Variants in CFAP61 observed in about 807,000 individuals in gnomAD.
The protein encoded by CFAP61 is cilia- and flagella-associated protein 61.
A neutral mutation model predicts 135.6 loss-of-function variants in CFAP61; 107 were observed. That is an observed-to-expected ratio of 0.79 (90% CI 0.67 to 0.93). The LOEUF (loss-of-function observed/expected upper bound fraction) is 0.93. CFAP61 is among the 40% of genes least tolerant of loss of function. The pLI, the probability that CFAP61 is intolerant of heterozygous loss-of-function variation, is 0.00. For synonymous variants in CFAP61, 575 were observed against 578.5 expected, an observed-to-expected ratio of 0.99 and a Z score of 0.09; for missense variants, 1,507 against 1,556.2, an observed-to-expected ratio of 0.97 and a Z score of 0.53.
rs560134674 is a variant in CFAP61, at chr20:20,312,613, T to TA, written c.3422+14236dup. Among the ~76,000 whole-genome samples, 314 of 150,804 alleles carry TA rather than the reference T, an allele frequency of 2.1e-3. 1 individual carries two copies. The highest frequency in any genetic ancestry group is 7.4e-3 in the African/African-American group (305 of 41,168). On this transcript the variant is annotated intron_variant, in intron 25 of 26. Transcript: ENST00000245957. Reference sequence around the variant, plus strand: ...TGAGAAGCTCAGTGAATCTCAAGCATAAAAAAAAATGAAGAAAACTATGCC... The same window carrying TA: ...TGAGAAGCTCAGTGAATCTCAAGCATAAAAAAAAAATGAAGAAAACTATGCC...
At chr20:20,204,554 T>C (rs779008480) in intron 17 of CFAP61, among the ~76,000 whole-genome samples, 4 of 152,218 alleles carry the variant, frequency 2.6e-5, no homozygotes, top group Non-Finnish European at 5.9e-5. Context: ...CTTGTGCATC[T>C]GCTGCCCTAG....
chr20:20,114,420 T>C lies in CFAP61; in HGVS notation c.859+15606T>C, dbSNP rs1357774468. 1.3e-5 allele frequency among the ~76,000 whole-genome samples: 2 copies of C among 152,346 alleles called. 1 individual carries two copies. Among genetic ancestry groups the C allele is most frequent in the South Asian group, 4.1e-4 (2 of 4,826 alleles). On this transcript the variant is annotated intron_variant, in intron 8 of 26. Coordinates refer to ENST00000245957, the MANE Select transcript of CFAP61 (RefSeq NM_015585.4). The stretch of plus-strand genomic sequence containing the variant: ...GAATGTGGTATAGCCCACAATTTAT[T>C]TATTGAAGGATAATTAAGTGTCTTA...
chr20:20,270,061 A>C (rs1410488104), intron 21 of CFAP61, among the ~76,000 whole-genome samples: 1 of 152,244 alleles, frequency 6.6e-6, no homozygotes, highest in East Asian at 1.9e-4. Context: ...ATTATTCATT[A>C]AAATACAAAA....
At chr20:20,269,146 T>TATACAC (rs1419572825) in intron 21 of CFAP61, among the ~76,000 whole-genome samples, 8 of 85,616 alleles carry the variant, frequency 9.3e-5, no homozygotes, top group South Asian at 8.6e-4. Flanking sequence ...TATATATATA[T>TATACAC]ACACACACAC....
At chr20:20,132,212 T>C (rs2050586577) in intron 8 of CFAP61, among the ~76,000 whole-genome samples, 1 of 152,138 alleles carries the variant, frequency 6.6e-6, no homozygotes, top group South Asian at 2.1e-4. Context: ...CATAACATAG[T>C]GTCTTCAAAT....
chr20:20,057,813 G>A (rs978062060), intron 2 of CFAP61, among the ~76,000 whole-genome samples: 11 of 152,160 alleles, frequency 7.2e-5, no homozygotes, highest in Non-Finnish European at 1.6e-4. Flanking sequence ...CGCCTCCTGG[G>A]TTCAAGAGAT....
chr20:20,324,579 A>T (rs1199875869), intron 25 of CFAP61, among the ~76,000 whole-genome samples: 1 of 152,216 alleles, frequency 6.6e-6, no homozygotes, highest in Non-Finnish European at 1.5e-5. Context: ...CACTGAACAT[A>T]TATCTCTGTG....
At chr20:20,099,925 T>C (rs1256472627) in intron 8 of CFAP61, among the ~76,000 whole-genome samples, 2 of 152,136 alleles carry the variant, frequency 1.3e-5, no homozygotes, top group Non-Finnish European at 2.9e-5. Flanking sequence ...TACACACTTA[T>C]CACAGAGAAC....
At chr20:20,170,516 A>G (rs6046686) in intron 13 of CFAP61, among the ~76,000 whole-genome samples, 136,948 of 152,252 alleles carry the variant, frequency 0.9, 62,419 homozygotes, top group Middle Eastern at 0.99. Context: ...AATACCTTCT[A>G]TCTTATTTTT....
At chr20:20,061,760 G>C (rs1161355515) in intron 2 of CFAP61, among the ~76,000 whole-genome samples, 2 of 152,178 alleles carry the variant, frequency 1.3e-5, no homozygotes, top group Non-Finnish European at 2.9e-5. Flanking sequence ...TAGTCCCCAT[G>C]TTTTCTATCT....
intron 25 of CFAP61, among the ~76,000 whole-genome samples, chr20:20,303,801 G>T (rs1440393513): frequency 6.6e-6 from 1 of 152,184 alleles, no homozygotes; most frequent in Non-Finnish European, 1.5e-5. Flanking sequence ...GCCCGCTGCT[G>T]CCGGGAGGGC....
chr20:20,088,806 G>A (rs987547482), intron 6 of CFAP61, among the ~76,000 whole-genome samples: 1 of 152,120 alleles, frequency 6.6e-6, no homozygotes, highest in Non-Finnish European at 1.5e-5. Context: ...TTATAGACCA[G>A]AGACCTGGCT....
chr20:20,327,450 TC>T (rs1251387420), intron 25 of CFAP61, among the ~76,000 whole-genome samples: 1 of 152,102 alleles, frequency 6.6e-6, no homozygotes, highest in African/African-American at 2.4e-5. Flanking sequence ...TTATTATCTT[TC>T]TTCCCTCAGA....
intron 9 of CFAP61, among the ~76,000 whole-genome samples, chr20:20,154,057 C>T (rs2052675517): frequency 6.6e-6 from 1 of 151,896 alleles, no homozygotes; most frequent in African/African-American, 2.4e-5. Flanking sequence ...TTAACATATA[C>T]AAGTTAATAA....
chr20:20,131,981 A>G (rs2050564080), intron 8 of CFAP61, among the ~76,000 whole-genome samples: 1 of 152,012 alleles, frequency 6.6e-6, no homozygotes, highest in African/African-American at 2.4e-5. Context: ...GTTCAATGCA[A>G]AATTGTTAAC....
At chr20:20,078,042 A>G (rs974551491) in intron 6 of CFAP61, among the ~76,000 whole-genome samples, 1 of 152,230 alleles carries the variant, frequency 6.6e-6, no homozygotes, top group Admixed American at 6.5e-5. Flanking sequence ...TCAAAGAAAT[A>G]TATTTTGGGG....
chr20:20,141,289 C>T (rs2051380720), intron 8 of CFAP61, among the ~76,000 whole-genome samples: 2 of 152,148 alleles, frequency 1.3e-5, no homozygotes, highest in South Asian at 4.1e-4. Context: ...CTGAGCTGTA[C>T]ACTTTTCATA....
chr20:20,128,015 A>T (rs569160914), intron 8 of CFAP61, among the ~76,000 whole-genome samples: 1 of 151,834 alleles, frequency 6.6e-6, no homozygotes, highest in South Asian at 2.1e-4. Flanking sequence ...CATGCAAACC[A>T]AAGGGCCAGT....
intron 10 of CFAP61, among the ~76,000 whole-genome samples, chr20:20,161,995 C>T (rs980297721): frequency 2.6e-5 from 4 of 152,158 alleles, no homozygotes; most frequent in Non-Finnish European, 5.9e-5. Context: ...TGGAGGTTAG[C>T]ATTCCAAAAT....
Sources: gnomAD v4.1 joint callset for allele counts (sites outside exome capture counted in the v4.1 genomes callset) on GRCh38, gnomAD v4.1.1 for gene constraint, MANE v1.5 for transcripts, NCBI Gene and HGNC (gene_info 2026-07-23, HGNC 2026-07-21) for gene names.